LMAN2: variants seen among roughly 807,000 people sequenced by gnomAD.
The protein encoded by LMAN2 is vesicular integral-membrane protein VIP36.
Under a neutral mutation model 39.3 loss-of-function variants are expected in LMAN2, and 22 were observed. The ratio of observed to expected loss-of-function variants is 0.56; its 90% CI spans 0.40 to 0.80. LMAN2 has a LOEUF of 0.80. LMAN2 is among the 30% of genes least tolerant of loss of function. The pLI, the probability that LMAN2 is intolerant of heterozygous loss-of-function variation, is 0.00. For missense variants in LMAN2, 494 were observed against 505.4 expected, an observed-to-expected ratio of 0.98 and a Z score of 0.22; for synonymous variants, 207 against 207.8, an observed-to-expected ratio of 1.00 and a Z score of 0.03.
chr5:177,348,587 C>A (rs1468867613), intron 2 of LMAN2, among the ~76,000 whole-genome samples: 1 of 147,208 alleles, frequency 6.8e-6, no homozygotes, highest in Non-Finnish European at 1.5e-5. Context: ...ACTGGGGAGG[C>A]TGAGGCAGAA....
chr5:177,341,838 T>C (rs1007985868), intron 2 of LMAN2, among the ~76,000 whole-genome samples: 7 of 152,220 alleles, frequency 4.6e-5, no homozygotes, highest in African/African-American at 1.4e-4. Flanking sequence ...GTTAGGATCC[T>C]TGCACTGTCC....
chr5:177,332,404 C>A lies in LMAN2; in HGVS notation c.911-158G>T. The A allele has an allele frequency of 1.5e-6, 1 of 658,700 alleles. No homozygotes were observed. Among genetic ancestry groups the A allele is most frequent in the Non-Finnish European group, 2.6e-6 (1 of 386,928 alleles). The allele number at this position is 658,700 out of a possible 1,614,324, so 40.8% of individuals were successfully genotyped here. On this transcript the variant is annotated intron_variant, in intron 7 of 7. Transcript: ENST00000303127. This position sits in a 1 kb window ranked among gnomAD's most constrained non-coding sequence, Gnocchi z 6.3. ...GGGAGGGGCAGAGGTCAGGTGAAGC[C>A]CATCCCAGCCAGCTCTGCAGTCCCC...
At position 177,333,615 on chromosome 5, in the gene LMAN2, C is replaced by T. The variant is rs114229538; in HGVS notation, c.910+669G>A. On this transcript the variant is annotated intron_variant, in intron 7 of 7. Transcript: ENST00000303127. Reference sequence around the variant, plus strand: ...CCCAGGGCTGGGCTACGACAGAGCCCGCGCCGTGCACTTCTGTCACTGGCT... The same window carrying T: ...CCCAGGGCTGGGCTACGACAGAGCCTGCGCCGTGCACTTCTGTCACTGGCT... 9.0e-3 allele frequency among the ~76,000 whole-genome samples: 1,373 copies of T among 152,344 alleles called. 24 individuals carry two copies. Among genetic ancestry groups the T allele is most frequent in the African/African-American group, 0.032 (1,312 of 41,570 alleles).
At chr5:177,334,520 G>A (rs1416276900) in intron 6 of LMAN2, 117 bp from the exon 7 acceptor site, 51 of 1,408,678 alleles carry the variant, frequency 3.6e-5, no homozygotes, top group South Asian at 1.3e-4. Flanking sequence ...AGGCCCCTGG[G>A]GAGAGCACTG....
intron 2 of LMAN2, among the ~76,000 whole-genome samples, chr5:177,347,720 C>T (rs1315352364): frequency 6.6e-6 from 1 of 152,180 alleles, no homozygotes; most frequent in African/African-American, 2.4e-5. Context: ...ATGTAATCAA[C>T]AGTCAGCCGA....
Position 177,351,637 on chromosome 5 carries a change from T to C in LMAN2, c.11A>G (p.Glu4Gly). MAA[E>G]GWIWRWGWGR... Reference sequence around the variant, plus strand: ...CCAGCCCCAACGCCAAATCCAGCCTTCCGCCGCCATTCTCCTCTCCTCTCG... The same window carrying C: ...CCAGCCCCAACGCCAAATCCAGCCTCCCGCCGCCATTCTCCTCTCCTCTCG... Residue 4 changes from glutamate to glycine, a missense_variant, in exon 1 of 8, where the codon GAA becomes GGA. Coordinates refer to ENST00000303127, the MANE Select transcript of LMAN2 (RefSeq NM_006816.3). 1.3e-6 allele frequency: 2 copies of C among 1,591,292 alleles called. No homozygotes were observed. The highest frequency in any genetic ancestry group is 1.7e-6 in the Non-Finnish European group (2 of 1,171,224).
chr5:177,345,551 A>C (rs1045161650), intron 2 of LMAN2, among the ~76,000 whole-genome samples: 1 of 152,000 alleles, frequency 6.6e-6, no homozygotes, highest in Non-Finnish European at 1.5e-5. Context: ...GAAATGGGAA[A>C]AAGTAAAAGG....
chr5:177,331,909 C>A lies in LMAN2; in HGVS notation c.*177G>T. The A allele has an allele frequency of 4.2e-6, 3 of 717,220 alleles. No individual in the cohort carries two copies. Among genetic ancestry groups the A allele is most frequent in the African/African-American group, 3.6e-5 (2 of 56,148 alleles). The allele number at this position is 717,220 out of a possible 1,614,324, so 44.4% of individuals were successfully genotyped here. On this transcript the variant is annotated 3_prime_UTR_variant, in exon 8 of 8. Transcript: ENST00000303127. The stretch of plus-strand genomic sequence containing the variant: ...GCTGTGGGGGGTGCCAGACCCTAAG[C>A]CTCGGCTCTGCCACCTGTCCCTGCT...
Position 177,346,238 on chromosome 5 carries a change from C to T in LMAN2, c.315+4935G>A, listed in dbSNP as rs553044633. ...CTCAAAGTGAAAAGACCAGCTGGAA[C>T]GCCTATCAAGGCTTCGAGAATCACC... On this transcript the variant is annotated intron_variant, in intron 2 of 7. Coordinates refer to ENST00000303127, the MANE Select transcript of LMAN2 (RefSeq NM_006816.3). 3.8e-5 allele frequency: 8 copies of T among 208,692 alleles called. No homozygotes were observed. The East Asian group carries it at 4.0e-4, about 10-fold the overall frequency. The allele number at this position is 208,692 out of a possible 1,614,324, so 12.9% of individuals were successfully genotyped here.
In LMAN2 at chr5:177,332,381, GA is replaced by G. The variant is rs1316034286; in HGVS notation, c.911-136del. On this transcript the variant is annotated intron_variant, in intron 7 of 7. Transcript: ENST00000303127. This position sits in a 1 kb window ranked among gnomAD's most constrained non-coding sequence, Gnocchi z 6.3. ...GGTCGTACTCACCCCCCTCACCGGGGAGGGGCAGAGGTCAGGTGAAGCCCAT... is the reference window on the plus strand; with the variant it reads ...GGTCGTACTCACCCCCCTCACCGGGGGGGGCAGAGGTCAGGTGAAGCCCAT... 1.3e-5 allele frequency: 10 copies of G among 768,322 alleles called. No homozygotes were observed. Among genetic ancestry groups the G allele is most frequent in the Non-Finnish European group, 1.7e-5 (8 of 477,368 alleles). The allele number at this position is 768,322 out of a possible 1,614,324, so 47.6% of individuals were successfully genotyped here.
At position 177,337,007 on chromosome 5, in the gene LMAN2, AAGG is replaced by A. The variant is rs2127314984; in HGVS notation, c.790+126_790+128del. On this transcript the variant is annotated intron_variant, in intron 6 of 7. Coordinates refer to ENST00000303127, the MANE Select transcript of LMAN2 (RefSeq NM_006816.3). This position sits in a 1 kb window ranked among gnomAD's most constrained non-coding sequence, Gnocchi z 8.2. The stretch of plus-strand genomic sequence containing the variant: ...GCCCGGACAGGCCATTTACAGAAGA[AAGG>A]AGGAGGAGGAACACAGCCAGGTGAG... 7.3e-6 allele frequency: 5 copies of A among 681,458 alleles called. No individual in the cohort carries two copies. The East Asian group carries it at 1.3e-4, about 18-fold the overall frequency. The allele number at this position is 681,458 out of a possible 1,614,324, so 42.2% of individuals were successfully genotyped here.
At position 177,332,021 on chromosome 5, in the gene LMAN2, C is replaced by T. The variant is rs1581599684; in HGVS notation, c.*65G>A. ...GGTCATCTTGTTGTTCTTTTATAAT[C>T]CCGGTAAAAAAAAAAGTTCACATTG... On this transcript the variant is annotated 3_prime_UTR_variant, in exon 8 of 8. Transcript: ENST00000303127. The surrounding 1 kb of genome is among the most constrained non-coding windows in gnomAD (Gnocchi z 6.3). 8 of 1,445,762 alleles carry T rather than the reference C, an allele frequency of 5.5e-6. No homozygotes were observed. The highest frequency in any genetic ancestry group is 9.4e-7 in the Non-Finnish European group (1 of 1,066,056). 89.6% of individuals were successfully genotyped at this position (1,445,762 alleles called of 1,614,324 possible).
chr5:177,346,242 T>C, intron 2 of LMAN2: 1 of 216,384 alleles, frequency 4.6e-6, no homozygotes, highest in Admixed American at 4.9e-5. Context: ...CTGGAACGCC[T>C]ATCAAGGCTT....
At chr5:177,341,869 A>G (rs1761558640) in intron 2 of LMAN2, among the ~76,000 whole-genome samples, 1 of 152,248 alleles carries the variant, frequency 6.6e-6, no homozygotes, top group Admixed American at 6.5e-5. Flanking sequence ...TAAAGTACAC[A>G]TTATCATTAG....
At position 177,337,466 on chromosome 5, in the gene LMAN2, C is replaced by G; in HGVS notation, c.572G>C (p.Ser191Thr). Residue 191 changes from serine (S) to threonine (T), a missense_variant, in exon 5 of 8, where the codon AGC (serine) becomes ACC (threonine). Transcript: ENST00000303127. The surrounding 1 kb of genome is among the most constrained non-coding windows in gnomAD (Gnocchi z 8.2). ...VNNGSLSYDH[S>T]KDGRWTELAG... ...CAGCTCGGTCCAGCGCCCATCCTTGCTGTGGTCGTAGGACAGGGAGCCATT... is the reference window on the plus strand; with the variant it reads ...CAGCTCGGTCCAGCGCCCATCCTTGGTGTGGTCGTAGGACAGGGAGCCATT... 1.9e-6 allele frequency: 3 copies of G among 1,614,050 alleles called. No homozygotes were observed. The highest frequency in any genetic ancestry group is 2.5e-6 in the Non-Finnish European group (3 of 1,180,038).
intron 2 of LMAN2, among the ~76,000 whole-genome samples, chr5:177,338,837 G>A (rs1761513114): frequency 1.3e-5 from 2 of 152,302 alleles, no homozygotes; most frequent in African/African-American, 4.8e-5. Context: ...AGTGTTCCAA[G>A]GCTGCCTGAG....
At chr5:177,343,985 G>T (rs925107137) in intron 2 of LMAN2, among the ~76,000 whole-genome samples, 14 of 151,518 alleles carry the variant, frequency 9.2e-5, no homozygotes, top group African/African-American at 3.4e-4. Context: ...CAAGGCAGGA[G>T]GATTGCTTGA....
intron 6 of LMAN2, 179 bp from the exon 7 acceptor site, chr5:177,334,582 TAA>T (rs1212642623): frequency 2.1e-5 from 15 of 698,840 alleles, no homozygotes; most frequent in Non-Finnish European, 3.1e-5. Context: ...TCACCAGCAA[TAA>T]AAAAGAGAGG....
intron 6 of LMAN2, among the ~76,000 whole-genome samples, chr5:177,335,761 T>C (rs1321158856): frequency 6.6e-6 from 1 of 152,130 alleles, no homozygotes; most frequent in Admixed American, 6.6e-5. Context: ...ACTTCCATGC[T>C]GAGAGAGGAG....
Sources: allele counts gnomAD v4.1 joint callset (sites outside exome capture counted in the v4.1 genomes callset), GRCh38; gene constraint gnomAD v4.1.1; non-coding constraint Gnocchi (gnomAD v3.1); transcripts MANE v1.5; gene names NCBI Gene and HGNC (gene_info 2026-07-23, HGNC 2026-07-21).